Variants in PPP2R5C observed in about 807,000 individuals in gnomAD.
PPP2R5C encodes the protein serine/threonine-protein phosphatase 2A 56 kDa regulatory subunit gamma isoform.
Under a neutral mutation model 68.9 loss-of-function variants are expected in PPP2R5C, and 7 were observed. The ratio of observed to expected loss-of-function variants is 0.10; its 90% CI spans 0.06 to 0.19. The LOEUF is 0.19. PPP2R5C is among the 10% of genes least tolerant of loss of function. PPP2R5C has a pLI of 1.00. For missense variants in PPP2R5C, 348 were observed against 641.3 expected (o/e 0.54, Z 4.94); for synonymous variants, 210 against 222.2 (o/e 0.95, Z 0.49).
chr14:101,832,134 C>T (rs1183721761), intron 1 of PPP2R5C, among the ~76,000 whole-genome samples: 1 of 152,182 alleles, frequency 6.6e-6, no homozygotes, highest in East Asian at 1.9e-4. Context: ...TTTTCTTGCT[C>T]CTCATTCAGG....
intron 8 of PPP2R5C, among the ~76,000 whole-genome samples, chr14:101,900,501 G>A (rs1159714000): frequency 1.3e-5 from 2 of 152,202 alleles, no homozygotes; most frequent in Non-Finnish European, 1.5e-5. Context: ...CCAAAGAGCT[G>A]CTCTAACGCA....
chr14:101,855,737 G>T (rs1023271111), intron 1 of PPP2R5C, among the ~76,000 whole-genome samples: 1 of 152,202 alleles, frequency 6.6e-6, no homozygotes, highest in Non-Finnish European at 1.5e-5. Flanking sequence ...AAGATGTCAC[G>T]CTCACAGTGG....
At chr14:101,763,281 G>A (rs796399500) in intron 2 of PPP2R5C, among the ~76,000 whole-genome samples, 73 of 151,882 alleles carry the variant, frequency 4.8e-4, no homozygotes, top group African/African-American at 1.7e-3. Context: ...GTGCAGTGGC[G>A]CAATCTCTGC....
intron 6 of PPP2R5C, among the ~76,000 whole-genome samples, chr14:101,890,905 T>C (rs569440193): frequency 1.3e-5 from 2 of 151,748 alleles, no homozygotes; most frequent in East Asian, 1.9e-4. Flanking sequence ...CCCGAGTAGC[T>C]GGGACTACAG....
intron 1 of PPP2R5C, among the ~76,000 whole-genome samples, chr14:101,845,463 T>C (rs61995285): frequency 3.3e-5 from 5 of 151,490 alleles, no homozygotes; most frequent in African/African-American, 1.2e-4. Context: ...TCCACTCCAC[T>C]CCACCCCACC....
chr14:101,809,552 CTTTTTTTTTTT>C (rs5811049), upstream of PPP2R5C, among the ~76,000 whole-genome samples: 2 of 92,896 alleles, frequency 2.2e-5, no homozygotes, highest in African/African-American at 9.9e-5. Context: ...TATACACACA[CTTTTTTTTTTT>C]TTTTTTTTTT....
intron 1 of PPP2R5C, among the ~76,000 whole-genome samples, chr14:101,812,982 C>T (rs2039454980): frequency 6.6e-6 from 1 of 152,170 alleles, no homozygotes; most frequent in East Asian, 1.9e-4. Flanking sequence ...TTAGTGTAAG[C>T]CCTTCTGTCT....
chr14:101,895,911 C>T (rs939736467), intron 8 of PPP2R5C, among the ~76,000 whole-genome samples: 1 of 152,212 alleles, frequency 6.6e-6, no homozygotes, highest in Non-Finnish European at 1.5e-5. Context: ...TCCACAGTGA[C>T]TGTCCCGTTT....
chr14:101,906,086 G>A lies in PPP2R5C; in HGVS notation c.1024-316G>A, dbSNP rs886344652. On this transcript the variant is annotated intron_variant, in intron 9 of 13. Coordinates refer to ENST00000334743, the Ensembl canonical transcript of PPP2R5C. The surrounding 1 kb of genome is among the most constrained non-coding windows in gnomAD (Gnocchi z 4.0). ...TCTTGACCTGACAGATGGGGGAGGC[G>A]GGTGGATAGGTGGAATGGCCTCCTT... Among the ~76,000 whole-genome samples the A allele has an allele frequency of 2.6e-5, 4 of 152,176 alleles. No homozygotes were observed. The highest frequency in any genetic ancestry group is 4.8e-5 in the African/African-American group (2 of 41,424).
At chr14:101,867,074 A>G (rs1175540136) in intron 2 of PPP2R5C, among the ~76,000 whole-genome samples, 2 of 151,732 alleles carry the variant, frequency 1.3e-5, no homozygotes, top group East Asian at 3.9e-4. Context: ...AAAATTAGCC[A>G]GGCGTGGTGG....
intron 13 of PPP2R5C, among the ~76,000 whole-genome samples, chr14:101,923,654 C>T (rs2047131714): frequency 6.6e-6 from 1 of 152,170 alleles, no homozygotes; most frequent in Non-Finnish European, 1.5e-5. Flanking sequence ...AGTCCTGCCC[C>T]TACCATGAGT....
chr14:101,849,828 G>A (rs1412800853), intron 1 of PPP2R5C, among the ~76,000 whole-genome samples: 3 of 152,148 alleles, frequency 2.0e-5, no homozygotes, highest in Non-Finnish European at 2.9e-5. Flanking sequence ...CACAAGTCAG[G>A]TGTCGATTTA....
intron 2 of PPP2R5C, among the ~76,000 whole-genome samples, chr14:101,764,783 A>G (rs2036762376): frequency 6.7e-6 from 1 of 148,550 alleles, no homozygotes; most frequent in South Asian, 2.1e-4. Flanking sequence ...GTGCTTTATG[A>G]AGGTATATGC....
chr14:101,864,199 G>A (rs1027057861), intron 2 of PPP2R5C, among the ~76,000 whole-genome samples: 4 of 152,050 alleles, frequency 2.6e-5, no homozygotes, highest in African/African-American at 7.2e-5. Flanking sequence ...ATTAAGACTC[G>A]TCTTAACAGT....
At chr14:101,871,228 T>TGGTTTTTGTTG (rs563568983) in intron 2 of PPP2R5C, among the ~76,000 whole-genome samples, 5,388 of 117,584 alleles carry the variant, frequency 0.046, 150 homozygotes, top group African/African-American at 0.12. Context: ...TGTTTTGGTT[T>TGGTTTTTGTTG]TTGTTGTTGT....
intron 8 of PPP2R5C, among the ~76,000 whole-genome samples, chr14:101,898,684 G>A (rs2045503936): frequency 6.6e-6 from 1 of 152,138 alleles, no homozygotes; most frequent in Admixed American, 6.5e-5. Context: ...AGGCCCCGAT[G>A]TTCCCACCCG....
At chr14:101,880,320 C>T (rs1470384533) in intron 2 of PPP2R5C, among the ~76,000 whole-genome samples, 1 of 152,134 alleles carries the variant, frequency 6.6e-6, no homozygotes, top group East Asian at 1.9e-4. Context: ...TTCATCCCTG[C>T]GTTTCTACAG....
intron 2 of PPP2R5C, among the ~76,000 whole-genome samples, chr14:101,764,046 C>T (rs1171403841): frequency 3.3e-5 from 5 of 149,848 alleles, no homozygotes; most frequent in Non-Finnish European, 5.9e-5. Context: ...CGCACTTGCG[C>T]GTCGGCCACT....
At chr14:101,846,197 G>T (rs571034906) in intron 1 of PPP2R5C, among the ~76,000 whole-genome samples, 2 of 152,320 alleles carry the variant, frequency 1.3e-5, no homozygotes, top group African/African-American at 4.8e-5. Flanking sequence ...AGACAGACCC[G>T]GAGGGAGGCG....
Sources: allele counts gnomAD v4.1 joint callset (sites outside exome capture counted in the v4.1 genomes callset), GRCh38; gene constraint gnomAD v4.1.1; non-coding constraint Gnocchi (gnomAD v3.1); transcripts MANE v1.5; gene names NCBI Gene and HGNC (gene_info 2026-07-23, HGNC 2026-07-21).